CRAMP1: variants seen among roughly 807,000 people sequenced by gnomAD.
CRAMP1 encodes the protein cramped chromatin regulator 1.
CRAMP1 carries 50 observed loss-of-function variants against 115.4 expected under a neutral mutation model. That is an observed-to-expected ratio of 0.43 (90% CI 0.35 to 0.55). The LOEUF is 0.55. Among genes scored for constraint, CRAMP1 ranks in the 20% least tolerant of loss-of-function variants. The pLI, the probability that CRAMP1 is intolerant of heterozygous loss-of-function variation, is 0.01. For missense variants in CRAMP1, 1,679 were observed against 1,721.7 expected (o/e 0.98, Z 0.44); for synonymous variants, 866 against 745.4 (o/e 1.16, Z -2.64).
chr16:1,655,966 C>G lies in CRAMP1; in HGVS notation c.1209C>G (p.Asn403Lys). The G allele has an allele frequency of 6.2e-7, 1 of 1,613,118 alleles. No homozygotes were observed. The highest frequency in any genetic ancestry group is 8.5e-7 in the Non-Finnish European group (1 of 1,179,876). Residue 403 changes from asparagine to lysine, a missense_variant, in exon 10 of 21, where the codon AAC becomes AAG. Asn to Lys is a moderately conservative substitution (Grantham distance 94, BLOSUM62 0). This residue lies in a region of CRAMP1 where 191 missense variants were observed against 236.2 expected (regional missense o/e 0.81). Coordinates refer to ENST00000397412, the MANE Select transcript of CRAMP1 (RefSeq NM_020825.4). ...CACTGCACTTGTTCCCAGGCGAGAA[C>G]TGTACACTGACACCGCTGCCGGGCG... ...KVTLHLFPGE[N>K]CTLTPLPGVA...
chr16:1,633,769 G>C (rs1370886170), intron 4 of CRAMP1, among the ~76,000 whole-genome samples: 1 of 152,136 alleles, frequency 6.6e-6, no homozygotes, highest in Non-Finnish European at 1.5e-5. Flanking sequence ...GTTCATTAGT[G>C]CCTTTTTGAA....
Position 1,666,211 on chromosome 16 carries a change from G to C in CRAMP1, c.2857+34G>C. On this transcript the variant is annotated intron_variant, in intron 15 of 20. Transcript: ENST00000397412. The surrounding 1 kb of genome is among the most constrained non-coding windows in gnomAD (Gnocchi z 5.0). ...GTACCTGCATGGCCACAGCCACTGAGTGAGCCTCTGAGGGATGTTTTTGTG... is the reference window on the plus strand; with the variant it reads ...GTACCTGCATGGCCACAGCCACTGACTGAGCCTCTGAGGGATGTTTTTGTG... 6.9e-7 allele frequency: 1 copy of C among 1,459,700 alleles called. No individual in the cohort carries two copies. The highest frequency in any genetic ancestry group is 9.5e-7 in the Non-Finnish European group (1 of 1,052,392). 90.4% of individuals were successfully genotyped at this position (1,459,700 alleles called of 1,614,324 possible). A position where few individuals can be genotyped will look rare whatever the true frequency, so the allele number is the denominator to read the frequency against.
intron 2 of CRAMP1, 78 bp from the exon 3 acceptor site, chr16:1,625,895 T>C: frequency 7.1e-7 from 1 of 1,414,382 alleles, no homozygotes; most frequent in South Asian, 1.3e-5. Context: ...AGTGGGCCCT[T>C]CCCTCCCACC....
chr16:1,663,922 G>A (rs1287221285), intron 13 of CRAMP1, among the ~76,000 whole-genome samples: 1 of 152,220 alleles, frequency 6.6e-6, no homozygotes, highest in Non-Finnish European at 1.5e-5. Flanking sequence ...CACACGGGCA[G>A]GTATATGGCC....
chr16:1,639,404 C>A (rs2036614037), intron 5 of CRAMP1, among the ~76,000 whole-genome samples: 1 of 150,150 alleles, frequency 6.7e-6, no homozygotes, highest in Non-Finnish European at 1.5e-5. Flanking sequence ...GAGGGGGAAA[C>A]CTCTAGAGGT....
chr16:1,650,020 C>A (rs2036710014), intron 6 of CRAMP1, among the ~76,000 whole-genome samples: 1 of 152,138 alleles, frequency 6.6e-6, no homozygotes, highest in South Asian at 2.1e-4. Flanking sequence ...TCTCGAACTC[C>A]TGACCTCAGC....
chr16:1,665,537 A>G (rs951231762), intron 14 of CRAMP1, among the ~76,000 whole-genome samples: 2 of 152,156 alleles, frequency 1.3e-5, no homozygotes, highest in Non-Finnish European at 2.9e-5. Flanking sequence ...TCCTTGCGGT[A>G]GATATTACAC....
Position 1,656,370 on chromosome 16 carries a change from C to T in CRAMP1, c.1613C>T (p.Pro538Leu), listed in dbSNP as rs374738088. 31 of 1,601,012 alleles carry T rather than the reference C, an allele frequency of 1.9e-5. No individual in the cohort carries two copies. In the African/African-American group the frequency reaches 3.7e-4, roughly 19 times the overall value. ...AEGRDSPTRE[P>L]GALPCACGQL... ...GGCAGGGACAGTCCCACCCGGGAGC[C>T]AGGGGCCTTGCCGTGTGCCTGTGGC... The change falls in exon 10 of 21, where the codon CCA becomes CTA. Residue 538 changes from proline to leucine, a missense_variant. By Grantham distance (98) the Pro-to-Leu change is moderately conservative. Transcript: ENST00000397412. The surrounding 1 kb of genome is among the most constrained non-coding windows in gnomAD (Gnocchi z 5.6).
At position 1,670,803 on chromosome 16, in the gene CRAMP1, T is replaced by C; in HGVS notation, c.3639T>C (p.Val1213=). 6.2e-7 allele frequency: 1 copy of C among 1,613,928 alleles called. No homozygotes were observed. The highest frequency in any genetic ancestry group is 8.5e-7 in the Non-Finnish European group (1 of 1,179,854). Residue 1213 remains valine, a synonymous_variant, in exon 20 of 21, where the codon GTT becomes GTC. Transcript: ENST00000397412. Reference sequence around the variant, plus strand: ...TTGTGTCCAGGTCCCTGGCTGACGTTGCAGAGGTGAGTGCATTGACCTCAC... The same window carrying C: ...TTGTGTCCAGGTCCCTGGCTGACGTCGCAGAGGTGAGTGCATTGACCTCAC... ...DSFVSRSLAD[V]AEVVDSQLVC...
intron 10 of CRAMP1, among the ~76,000 whole-genome samples, chr16:1,659,459 C>T (rs937263636): frequency 5.3e-5 from 8 of 151,858 alleles, no homozygotes; most frequent in Non-Finnish European, 1.0e-4. Context: ...GGTGCGATCT[C>T]GGCCCACTGC....
chr16:1,656,245 G>A lies in CRAMP1; in HGVS notation c.1488G>A (p.Gly496=), dbSNP rs764470515. 1.6e-5 allele frequency: 26 copies of A among 1,609,756 alleles called. No individual in the cohort carries two copies. The South Asian group carries it at 2.4e-4, about 15-fold the overall frequency. Residue 496 remains glycine, a synonymous_variant, in exon 10 of 21, where the codon GGG becomes GGA. Transcript: ENST00000397412. The surrounding 1 kb of genome is among the most constrained non-coding windows in gnomAD (Gnocchi z 5.6). ...SGESSPESAP[G]EGAALSLSSP... ...AGAGTTCCCCCGAAAGCGCCCCCGG[G>A]GAGGGGGCTGCCCTAAGCTTGAGCA... is the stretch of plus-strand genomic sequence containing the variant.
chr16:1,618,015 C>T (rs561085953), intron 2 of CRAMP1, among the ~76,000 whole-genome samples: 6 of 152,330 alleles, frequency 3.9e-5, no homozygotes, highest in Admixed American at 3.3e-4. Context: ...AGCTCTAATA[C>T]ACCACCCACG....
intron 1 of CRAMP1, among the ~76,000 whole-genome samples, chr16:1,613,196 C>G (rs1331218538): frequency 6.6e-6 from 1 of 151,992 alleles, no homozygotes; most frequent in South Asian, 2.1e-4. Context: ...CACGAAATCC[C>G]TTAAGTTGGG....
Position 1,656,064 on chromosome 16 carries a change from C to T in CRAMP1, c.1307C>T (p.Ala436Val), listed in dbSNP as rs960159131. 2.5e-6 allele frequency: 4 copies of T among 1,610,754 alleles called. No individual in the cohort carries two copies. Among genetic ancestry groups the T allele is most frequent in the Non-Finnish European group, 3.4e-6 (4 of 1,179,092 alleles). The change falls in exon 10 of 21, where the codon GCC becomes GTC. Residue 436 changes from alanine to valine, a missense_variant. Transcript: ENST00000397412. This position sits in a 1 kb window ranked among gnomAD's most constrained non-coding sequence, Gnocchi z 5.6. The part of the protein sequence containing the change: ...WQEGGRCKQS[A>V]KDAHVLPPAQ... ...GAGGGCGGCCGGTGCAAGCAGAGTG[C>T]CAAGGACGCCCACGTGCTGCCCCCA... is the stretch of plus-strand genomic sequence containing the variant.
At chr16:1,665,814 C>A in intron 14 of CRAMP1, 1 of 485,120 alleles carries the variant, frequency 2.1e-6, no homozygotes, top group Non-Finnish European at 3.7e-6. Context: ...GAGCCATTTC[C>A]GCAGGATGAC....
intron 17 of CRAMP1, 95 bp from the exon 18 acceptor site, chr16:1,667,867 T>A (rs2036889384): frequency 1.3e-6 from 1 of 753,386 alleles, no homozygotes; most frequent in Non-Finnish European, 2.3e-6. Flanking sequence ...CCCTATTGAT[T>A]TGCCTGCAAG....
In CRAMP1 at chr16:1,675,701, C is replaced by CA. The variant is rs2036961804; in HGVS notation, c.*1658dup. 1 of 152,272 alleles carries CA rather than the reference C, an allele frequency of 6.6e-6. No individual in the cohort carries two copies. Among genetic ancestry groups the CA allele is most frequent in the Non-Finnish European group, 1.5e-5 (1 of 68,064 alleles). The allele number at this position is 152,272 out of a possible 1,614,324, so 9.4% of individuals were successfully genotyped here. ...GTGGAGAGGACAGTGAACTTCCAGG[C>CA]AAGAGCTTCCTTCTTTTGTCTCACG... On this transcript the variant is annotated 3_prime_UTR_variant, in exon 21 of 21. Coordinates refer to ENST00000397412, the MANE Select transcript of CRAMP1 (RefSeq NM_020825.4).
rs1484422554 is a variant in CRAMP1, at chr16:1,665,042, C to T, written c.2671-15C>T. On this transcript the variant is annotated splice_polypyrimidine_tract_variant and intron_variant, in intron 13 of 20. Coordinates refer to ENST00000397412, the MANE Select transcript of CRAMP1 (RefSeq NM_020825.4). ...GGAGTTTCATCACCTTGATTGTTGA[C>T]CATTTTCCCCACAGAGAACACTGCT... 1 of 1,580,176 alleles carries T rather than the reference C, an allele frequency of 6.3e-7. No individual in the cohort carries two copies. Among genetic ancestry groups the T allele is most frequent in the East Asian group, 2.2e-5 (1 of 44,720 alleles).
chr16:1,630,324 A>C (rs1205427728), intron 3 of CRAMP1, among the ~76,000 whole-genome samples: 1 of 151,348 alleles, frequency 6.6e-6, no homozygotes, highest in African/African-American at 2.4e-5. Context: ...GCTAATTTTT[A>C]AGTTTTTTGT....
Sources: allele counts gnomAD v4.1 joint callset (sites outside exome capture counted in the v4.1 genomes callset), GRCh38; gene constraint gnomAD v4.1.1; regional missense constraint gnomAD v4.1.1; non-coding constraint Gnocchi (gnomAD v3.1); transcripts MANE v1.5; gene names NCBI Gene and HGNC (gene_info 2026-07-23, HGNC 2026-07-21).